EPB41L3: variants seen among roughly 807,000 people sequenced by gnomAD.
The protein encoded by EPB41L3 is band 4.1-like protein 3.
EPB41L3 carries 57 observed loss-of-function variants against 127.1 expected under a neutral mutation model. The observed-to-expected ratio is 0.45, with a 90% CI of 0.36 to 0.56. The LOEUF is 0.56. Among genes scored for constraint, EPB41L3 ranks in the 20% least tolerant of loss-of-function variants. The pLI is 0.00. For synonymous variants in EPB41L3, 572 were observed against 549.5 expected, an observed-to-expected ratio of 1.04 and a Z score of -0.57; for missense variants, 1,273 against 1,372.2, an observed-to-expected ratio of 0.93 and a Z score of 1.14.
At chr18:5,431,853 G>T (rs952026148) in intron 8 of EPB41L3, among the ~76,000 whole-genome samples, 1 of 151,962 alleles carries the variant, frequency 6.6e-6, no homozygotes, top group Non-Finnish European at 1.5e-5. Flanking sequence ...ACTCTACCTT[G>T]TACCTAACAT....
intron 1 of EPB41L3, among the ~76,000 whole-genome samples, chr18:5,502,773 C>T (rs2091854979): frequency 6.6e-6 from 1 of 152,170 alleles, no homozygotes; most frequent in Non-Finnish European, 1.5e-5. Context: ...CTTCCTGGGC[C>T]CCCACTTGAG....
chr18:5,523,840 C>G (rs1442935226), intron 1 of EPB41L3, among the ~76,000 whole-genome samples: 1 of 151,970 alleles, frequency 6.6e-6, no homozygotes, highest in African/African-American at 2.4e-5. Flanking sequence ...TGTCCAAGAT[C>G]ATGTCCTTTC....
intron 13 of EPB41L3, among the ~76,000 whole-genome samples, chr18:5,412,525 G>T (rs1232626091): frequency 6.6e-6 from 1 of 152,158 alleles, no homozygotes; most frequent in Non-Finnish European, 1.5e-5. Flanking sequence ...CGCGCGCCCA[G>T]CTCGAATGAC....
chr18:5,394,898 CA>C, intron 21 of EPB41L3, 105 bp from the exon 22 acceptor site: 2 of 1,222,144 alleles, frequency 1.6e-6, no homozygotes, highest in South Asian at 1.3e-5. Context: ...CCACAATTTA[CA>C]AATGAGGTAC....
chr18:5,437,935 T>C, intron 6 of EPB41L3, 100 bp downstream of exon 6: 3 of 1,034,888 alleles, frequency 2.9e-6, no homozygotes, highest in Non-Finnish European at 2.8e-6. Context: ...GCGTGGATGA[T>C]TGTAAGGCTA....
At chr18:5,393,707 G>T (rs4441367) in intron 22 of EPB41L3, 38,850 of 436,336 alleles carry the variant, frequency 0.089, 3,362 homozygotes, top group African/African-American at 0.32. Context: ...TTTTGCTATC[G>T]TCCAAAATAT....
At chr18:5,414,307 A>G (rs966916919) in intron 13 of EPB41L3, among the ~76,000 whole-genome samples, 13 of 152,230 alleles carry the variant, frequency 8.5e-5, no homozygotes, top group Admixed American at 6.5e-4. Flanking sequence ...AGTTATTTAT[A>G]TATCAGTTGG....
At chr18:5,505,475 TCTC>T (rs1458108179) in intron 1 of EPB41L3, among the ~76,000 whole-genome samples, 2 of 149,864 alleles carry the variant, frequency 1.3e-5, no homozygotes, top group African/African-American at 4.9e-5. Flanking sequence ...CACACCTACA[TCTC>T]CTCCTCTGCC....
At chr18:5,455,606 T>C (rs1316426001) in intron 3 of EPB41L3, among the ~76,000 whole-genome samples, 1 of 150,648 alleles carries the variant, frequency 6.6e-6, no homozygotes, top group Non-Finnish European at 1.5e-5. Flanking sequence ...CCCATCTACC[T>C]TTCTTTAAAG....
intron 1 of EPB41L3, among the ~76,000 whole-genome samples, chr18:5,499,423 T>A (rs1379587763): frequency 6.6e-6 from 1 of 152,138 alleles, no homozygotes; most frequent in Non-Finnish European, 1.5e-5. Context: ...CTTATCCTTT[T>A]ACTCACTGTA....
At chr18:5,595,466 A>G in intron 3 of EPB41L3, among the ~76,000 whole-genome samples, 1 of 152,088 alleles carries the variant, frequency 6.6e-6, no homozygotes, top group East Asian at 1.9e-4. Flanking sequence ...TCCTCTCAGC[A>G]AGCAGGAGCT....
Position 5,416,218 on chromosome 18 carries a change from A to G in EPB41L3, c.1667T>C (p.Leu556Ser), listed in dbSNP as rs745397874. ...AGGCCTCCCTGGGCCATCAGAGTCCAAGGCGGGCTCTCCAGGCAGGTGCTC... is the reference window on the plus strand; with the variant it reads ...AGGCCTCCCTGGGCCATCAGAGTCCGAGGCGGGCTCTCCAGGCAGGTGCTC... ...RAEHLPGEPA[L>S]DSDGPGRPYL... is the part of the protein sequence containing the mutation. Residue 556 changes from leucine (L) to serine (S), a missense_variant, in exon 13 of 23, where the codon TTG becomes TCG. Coordinates refer to ENST00000341928, the MANE Select transcript of EPB41L3 (RefSeq NM_012307.5). 52 of 1,614,150 alleles carry G rather than the reference A, an allele frequency of 3.2e-5. No individual in the cohort carries two copies. The South Asian group carries it at 3.3e-4, about 10-fold the overall frequency.
intron 2 of EPB41L3, among the ~76,000 whole-genome samples, chr18:5,487,457 A>C (rs2089950356): frequency 6.6e-6 from 1 of 151,002 alleles, no homozygotes. Flanking sequence ...TGTACACTTA[A>C]AAAAGATAGT....
chr18:5,537,131 C>T lies in EPB41L3; in HGVS notation c.-12+6782G>A, dbSNP rs141039377. ...CCACATAGTTATTAAATAGCAAGGC[C>T]GAGAGCCCAACCCAGGTGTGTCCTA... On this transcript the variant is annotated intron_variant, in intron 1 of 22. Transcript: ENST00000341928. 3.7e-4 allele frequency among the ~76,000 whole-genome samples: 56 copies of T among 152,200 alleles called. No homozygotes were observed. The East Asian group carries it at 6.0e-3, about 16-fold the overall frequency.
intron 1 of EPB41L3, among the ~76,000 whole-genome samples, chr18:5,501,455 T>C (rs963740862): frequency 2.0e-5 from 3 of 152,204 alleles, no homozygotes; most frequent in African/African-American, 4.8e-5. Context: ...CACCAATTAA[T>C]AGCTTTCAAC....
chr18:5,607,711 C>T (rs1045431463), intron 3 of EPB41L3, among the ~76,000 whole-genome samples: 1 of 152,156 alleles, frequency 6.6e-6, no homozygotes, highest in Non-Finnish European at 1.5e-5. Context: ...GTGCAAAGTT[C>T]TTCACTTATC....
At chr18:5,613,608 C>A (rs970051996) in intron 2 of EPB41L3, among the ~76,000 whole-genome samples, 1 of 152,190 alleles carries the variant, frequency 6.6e-6, no homozygotes, top group Admixed American at 6.5e-5. Context: ...GTCAAAGCCA[C>A]TTTCCTGGTT....
At chr18:5,415,258 TTGAC>T (rs1157974415) in intron 13 of EPB41L3, among the ~76,000 whole-genome samples, 1 of 152,208 alleles carries the variant, frequency 6.6e-6, no homozygotes, top group Admixed American at 6.5e-5. Flanking sequence ...CGGGATCTGA[TTGAC>T]TGACCTCTCT....
Position 5,395,055 on chromosome 18 carries a change from C to G in EPB41L3, c.3153+12G>C. On this transcript the variant is annotated intron_variant, in intron 21 of 22. Transcript: ENST00000341928. Reference sequence around the variant, plus strand: ...TTCTCTGCCAGGGTATTTACCGTCTCACACACACTACCTGGTCATGGTCAA... The same window carrying G: ...TTCTCTGCCAGGGTATTTACCGTCTGACACACACTACCTGGTCATGGTCAA... 6.2e-7 allele frequency: 1 copy of G among 1,613,082 alleles called. No homozygotes were observed. The highest frequency in any genetic ancestry group is 1.1e-5 in the South Asian group (1 of 91,058).
Sources: gnomAD v4.1 joint callset for allele counts (sites outside exome capture counted in the v4.1 genomes callset) on GRCh38, gnomAD v4.1.1 for gene constraint, MANE v1.5 for transcripts, NCBI Gene and HGNC (gene_info 2026-07-23, HGNC 2026-07-21) for gene names.